GFPT2: variants seen among roughly 807,000 people sequenced by gnomAD.
The protein encoded by GFPT2 is glutamine--fructose-6-phosphate aminotransferase [isomerizing] 2.
A neutral mutation model predicts 85.6 loss-of-function variants in GFPT2; 62 were observed. That is an observed-to-expected ratio of 0.72 (90% CI 0.59 to 0.90). GFPT2 has a LOEUF of 0.90. Ranked by LOEUF, GFPT2 falls within the 40% of genes least tolerant of loss-of-function variation. The pLI, the probability that GFPT2 is intolerant of heterozygous loss-of-function variation, is 0.00. For synonymous variants in GFPT2, 368 were observed against 344.5 expected, an observed-to-expected ratio of 1.07 and a Z score of -0.75; for missense variants, 788 against 893.4, an observed-to-expected ratio of 0.88 and a Z score of 1.50.
rs1763948337 is a variant in GFPT2 at position 180,313,825 on chromosome 5, G to C, written c.1413C>G (p.Ile471Met). 2.5e-6 allele frequency: 4 copies of C among 1,571,806 alleles called. No individual in the cohort carries two copies. The highest frequency in any genetic ancestry group is 1.2e-5 in the South Asian group (1 of 86,916). ...CTCCTACCTTGGTGCTGGCCACGCCGATCTCCGGCCCTGCGTTGATGTGGA... is the reference window on the plus strand; with the variant it reads ...CTCCTACCTTGGTGCTGGCCACGCCCATCTCCGGCCCTGCGTTGATGTGGA... ...CGVHINAGPE[I>M]GVASTKAYTS... Residue 471 changes from isoleucine to methionine, a missense_variant, in exon 14 of 19, where the codon ATC (isoleucine) becomes ATG (methionine). Transcript: ENST00000253778.
At chr5:180,339,035 C>A (rs1049033555) in intron 1 of GFPT2, among the ~76,000 whole-genome samples, 1 of 152,144 alleles carries the variant, frequency 6.6e-6, no homozygotes, top group African/African-American at 2.4e-5. Flanking sequence ...GGCGCTGGGG[C>A]CTTTGCTTCC....
At chr5:180,331,269 T>C (rs1247438956) in intron 5 of GFPT2, 6 of 561,814 alleles carry the variant, frequency 1.1e-5, no homozygotes, top group African/African-American at 5.7e-5. Context: ...TCTGGGAATC[T>C]GCAGTGGCCC....
intron 9 of GFPT2, among the ~76,000 whole-genome samples, 159 bp downstream of exon 9, chr5:180,324,029 T>TCCAGGC (rs984328147): frequency 1.3e-5 from 2 of 152,260 alleles, no homozygotes; most frequent in Non-Finnish European, 1.5e-5. Flanking sequence ...GGACAAGGAC[T>TCCAGGC]CCAGGCCCAG....
intron 16 of GFPT2, among the ~76,000 whole-genome samples, chr5:180,306,510 G>A (rs1033680281): frequency 1.3e-5 from 2 of 152,260 alleles, no homozygotes; most frequent in Non-Finnish European, 2.9e-5. Flanking sequence ...CCTCTGGGCA[G>A]CCCTGTGGCC....
chr5:180,316,979 A>G lies in GFPT2; in HGVS notation c.1038T>C (p.Asn346=). Residue 346 remains asparagine (N), a synonymous_variant, in exon 11 of 19, where the codon AAT becomes AAC. Coordinates refer to ENST00000253778, the MANE Select transcript of GFPT2 (RefSeq NM_005110.4). The part of the protein sequence containing the change: ...SVFNTMRGRV[N]FETNTVLLGG... ...AGGAATTACCTGTGTTGGTTTCAAA[A>G]TTCACCCGACCTCTCATAGTATTGA... 2 of 1,609,416 alleles carry G rather than the reference A, an allele frequency of 1.2e-6. No homozygotes were observed. Among genetic ancestry groups the G allele is most frequent in the Non-Finnish European group, 1.7e-6 (2 of 1,175,700 alleles).
At chr5:180,308,341 TATTAC>T (rs943114243) in intron 15 of GFPT2, among the ~76,000 whole-genome samples, 2 of 152,128 alleles carry the variant, frequency 1.3e-5, no homozygotes, top group East Asian at 1.9e-4. Context: ...ACACTAAATC[TATTAC>T]ATTACTTCAT....
intron 15 of GFPT2, among the ~76,000 whole-genome samples, chr5:180,310,975 T>G (rs778125539): frequency 6.6e-6 from 1 of 152,128 alleles, no homozygotes; most frequent in Non-Finnish European, 1.5e-5. Flanking sequence ...GACGTCAGAA[T>G]TGGGTCCTGT....
intron 7 of GFPT2, among the ~76,000 whole-genome samples, chr5:180,326,445 T>C (rs1764212182): frequency 6.6e-6 from 1 of 152,170 alleles, no homozygotes. Context: ...CCAGTCCACA[T>C]ATATCCATAA....
chr5:180,325,031 C>T (rs2303010), intron 7 of GFPT2, 136 bp from the exon 8 acceptor site: 26,944 of 667,804 alleles, frequency 0.04, 1,157 homozygotes, highest in South Asian at 0.13. Context: ...TCCCACAGGA[C>T]GGACGCCTGG....
At chr5:180,347,369 G>C (rs1343108118) in intron 1 of GFPT2, among the ~76,000 whole-genome samples, 3 of 152,098 alleles carry the variant, frequency 2.0e-5, no homozygotes, top group African/African-American at 4.8e-5. Context: ...CCACCACCCA[G>C]TTTGGTCATG....
At position 180,313,828 on chromosome 5, in the gene GFPT2, C is replaced by A; in HGVS notation, c.1410G>T (p.Glu470Asp). 6.3e-7 allele frequency: 1 copy of A among 1,576,360 alleles called. No homozygotes were observed. The highest frequency in any genetic ancestry group is 8.6e-7 in the Non-Finnish European group (1 of 1,165,000). Residue 470 changes from glutamate (E) to aspartate (D), a missense_variant, in exon 14 of 19, where the codon GAG becomes GAT. By Grantham distance (45) the Glu-to-Asp change is conservative (BLOSUM62 2). Transcript: ENST00000253778. ...DCGVHINAGP[E>D]IGVASTKAYT... ...CTACCTTGGTGCTGGCCACGCCGAT[C>A]TCCGGCCCTGCGTTGATGTGGACGC...
rs769159353 is a variant in GFPT2 at position 180,330,778 on chromosome 5, C to T, written c.456G>A (p.Leu152=). The change falls in exon 6 of 19, where the codon CTG becomes CTA. Residue 152 remains leucine (L), a synonymous_variant. Coordinates refer to ENST00000253778, the MANE Select transcript of GFPT2 (RefSeq NM_005110.4). This position sits in a 1 kb window ranked among gnomAD's most constrained non-coding sequence, Gnocchi z 4.4. The part of the protein sequence containing the change: ...SETDTETIAK[L]IKYVFDNRET... The stretch of plus-strand genomic sequence containing the variant: ...CTCTGTTGTCGAACACATATTTAAT[C>T]AGCTTGGCGATGGTCTCTGTATCTG... 5.6e-6 allele frequency: 9 copies of T among 1,613,154 alleles called. No individual in the cohort carries two copies. The South Asian group carries it at 9.9e-5, about 18-fold the overall frequency.
Position 180,328,991 on chromosome 5 carries a change from T to G in GFPT2, c.535-653A>C, listed in dbSNP as rs542171706. 6.6e-6 allele frequency among the ~76,000 whole-genome samples: 1 copy of G among 152,352 alleles called. No homozygotes were observed. The highest frequency in any genetic ancestry group is 1.9e-4 in the East Asian group (1 of 5,188). On this transcript the variant is annotated intron_variant, in intron 6 of 18. Transcript: ENST00000253778. This position sits in a 1 kb window ranked among gnomAD's most constrained non-coding sequence, Gnocchi z 5.4. ...GCCCTCTGGGCCTCAGCTGGTTGGTTTGTGCAAAGCCAGAACTAGAATCCA... is the reference window on the plus strand; with the variant it reads ...GCCCTCTGGGCCTCAGCTGGTTGGTGTGTGCAAAGCCAGAACTAGAATCCA...
rs59666856 is a variant in GFPT2, at chr5:180,300,804, A to C, written c.*760T>G. 0.062 allele frequency: 9,492 copies of C among 152,754 alleles called. 897 individuals carry two copies. The highest frequency in any genetic ancestry group is 0.21 in the African/African-American group (8,539 of 41,532). 9.5% of individuals were successfully genotyped at this position (152,754 alleles called of 1,614,324 possible). ...ACTTGAAACTACTCTCTTGCATGGG[A>C]TATTTCAAGCTGTTTTACTATGGGC... is the stretch of plus-strand genomic sequence containing the variant. On this transcript the variant is annotated 3_prime_UTR_variant, in exon 19 of 19. Coordinates refer to ENST00000253778, the MANE Select transcript of GFPT2 (RefSeq NM_005110.4).
At chr5:180,307,977 T>C (rs1763811571) in intron 15 of GFPT2, among the ~76,000 whole-genome samples, 3 of 151,292 alleles carry the variant, frequency 2.0e-5, no homozygotes, top group African/African-American at 7.3e-5. Flanking sequence ...CCGGGCGTGG[T>C]TGGGTGCGGT....
intron 15 of GFPT2, among the ~76,000 whole-genome samples, chr5:180,307,939 C>A (rs970463956): frequency 1.3e-5 from 2 of 151,068 alleles, no homozygotes; most frequent in Non-Finnish European, 3.0e-5. Context: ...GGTAAAACCC[C>A]GTCTCTACTA....
At chr5:180,329,253 C>A (rs1764264058) in intron 6 of GFPT2, among the ~76,000 whole-genome samples, 2 of 152,154 alleles carry the variant, frequency 1.3e-5, no homozygotes, top group African/African-American at 2.4e-5. Flanking sequence ...AGCTACAGGG[C>A]CAGGAACCTG....
At position 180,328,436 on chromosome 5, in the gene GFPT2, C is replaced by A; in HGVS notation, c.535-98G>T. 1 of 937,944 alleles carries A rather than the reference C, an allele frequency of 1.1e-6. No homozygotes were observed. The highest frequency in any genetic ancestry group is 1.7e-6 in the Non-Finnish European group (1 of 573,104). 58.1% of individuals were successfully genotyped at this position (937,944 alleles called of 1,614,324 possible). ...CGTCTCCCTGGGCCCCTCCTGATGG[C>A]GGGAGGTCCTGGGGTCCCTCGGGGA... On this transcript the variant is annotated intron_variant, in intron 6 of 18. Transcript: ENST00000253778. The surrounding 1 kb of genome is among the most constrained non-coding windows in gnomAD (Gnocchi z 5.4).
intron 7 of GFPT2, 140 bp from the exon 8 acceptor site, chr5:180,325,035 C>G: frequency 1.5e-6 from 1 of 655,544 alleles, no homozygotes; most frequent in Non-Finnish European, 2.7e-6. Context: ...ACAGGACGGA[C>G]GCCTGGAGCA....
Sources: allele counts gnomAD v4.1 joint callset (sites outside exome capture counted in the v4.1 genomes callset), GRCh38; gene constraint gnomAD v4.1.1; non-coding constraint Gnocchi (gnomAD v3.1); transcripts MANE v1.5; gene names NCBI Gene and HGNC (gene_info 2026-07-23, HGNC 2026-07-21).